Variants in RFTN1 observed in about 807,000 individuals in gnomAD.
RFTN1 encodes the protein raftlin, lipid raft linker 1.
In RFTN1, 26 loss-of-function variants were observed where a neutral mutation model predicts 46.5. The ratio of observed to expected loss-of-function variants is 0.56; its 90% CI spans 0.41 to 0.78. RFTN1 has a LOEUF of 0.78. Among genes scored for constraint, RFTN1 ranks in the 30% least tolerant of loss-of-function variants. The probability of loss-of-function intolerance (pLI) is 0.00; values close to 1 mark genes in which losing one functional copy is unlikely to be tolerated. For synonymous variants in RFTN1, 261 were observed against 284.2 expected (o/e 0.92, Z 0.82); for missense variants, 693 against 718.7 (o/e 0.96, Z 0.41).
intron 3 of RFTN1, among the ~76,000 whole-genome samples, chr3:16,431,072 T>C (rs183363005): frequency 6.6e-6 from 1 of 152,334 alleles, no homozygotes; most frequent in East Asian, 1.9e-4. Flanking sequence ...TTGCAAATCA[T>C]GTAGTAACAG....
chr3:16,465,678 C>G lies in RFTN1; in HGVS notation c.145+28047G>C, dbSNP rs2124936930. Among the ~76,000 whole-genome samples, 1 of 152,122 alleles carries G rather than the reference C, an allele frequency of 6.6e-6. No individual in the cohort carries two copies. The highest frequency in any genetic ancestry group is 2.1e-4 in the South Asian group (1 of 4,816). ...AAAAATTTCAGAATTATAAGATCAC[C>G]AAAATTATCACACCCACCAAAAAGA... On this transcript the variant is annotated intron_variant, in intron 2 of 9. Coordinates refer to ENST00000334133, the MANE Select transcript of RFTN1 (RefSeq NM_015150.2). The surrounding 1 kb of genome is among the most constrained non-coding windows in gnomAD (Gnocchi z 5.1).
At chr3:16,349,925 C>T (rs1417434006) in intron 7 of RFTN1, 1 of 152,234 alleles carries the variant, frequency 6.6e-6, no homozygotes, top group African/African-American at 2.4e-5. Flanking sequence ...AGGCTGAATT[C>T]CTTCCTCTTC....
chr3:16,366,989 T>C (rs2073222551), intron 6 of RFTN1, among the ~76,000 whole-genome samples: 1 of 152,230 alleles, frequency 6.6e-6, no homozygotes, highest in Non-Finnish European at 1.5e-5. Context: ...TCTTTCTATG[T>C]CCCAGGGTGG....
In RFTN1 at chr3:16,336,281, G is replaced by T. The variant is rs958719826; in HGVS notation, c.1147-9405C>A. 2.6e-5 allele frequency among the ~76,000 whole-genome samples: 4 copies of T among 152,236 alleles called. No individual in the cohort carries two copies. In the South Asian group the frequency reaches 8.3e-4, roughly 32 times the overall value. On this transcript the variant is annotated intron_variant, in intron 7 of 9. Transcript: ENST00000334133. This position sits in a 1 kb window ranked among gnomAD's most constrained non-coding sequence, Gnocchi z 6.0. The stretch of plus-strand genomic sequence containing the variant: ...ATTCAGTCAGCCTGGCTCTGTCTGT[G>T]CCACTTGGGAAGCCTCTTCTGCCCC...
At chr3:16,482,672 T>C (rs546426558) in intron 2 of RFTN1, 41 of 1,178,870 alleles carry the variant, frequency 3.5e-5, no homozygotes, top group Non-Finnish European at 4.9e-5. Context: ...TAAGGATTAA[T>C]TGACACTGAG....
chr3:16,505,296 A>G (rs774399600), intron 1 of RFTN1, among the ~76,000 whole-genome samples: 1 of 152,232 alleles, frequency 6.6e-6, no homozygotes, highest in Middle Eastern at 3.4e-3. Context: ...AGTCAGGCTA[A>G]GCTACTGCAA....
In RFTN1 at chr3:16,317,367, T is replaced by C; in HGVS notation, c.1333-135A>G. 2 of 894,256 alleles carry C rather than the reference T, an allele frequency of 2.2e-6. No individual in the cohort carries two copies. The highest frequency in any genetic ancestry group is 3.4e-6 in the Non-Finnish European group (2 of 588,920). The allele number at this position is 894,256 out of a possible 1,614,324, so 55.4% of individuals were successfully genotyped here. A position where few individuals can be genotyped will look rare whatever the true frequency, so the allele number is the denominator to read the frequency against. ...TTCCCAGCATCCCCCAGCCAGGCAG[T>C]ACAGGCACCAAACTTGAATCGCACA... On this transcript the variant is annotated intron_variant, in intron 9 of 9. Transcript: ENST00000334133. This position sits in a 1 kb window ranked among gnomAD's most constrained non-coding sequence, Gnocchi z 4.3.
rs932365285 is a variant in RFTN1 at position 16,341,111 on chromosome 3, G to C, written c.1147-14235C>G. Reference sequence around the variant, plus strand: ...AATGCAAATAAGACAGTCCACCTTAGAATGACCACATTAGAATGGCCAAGA... The same window carrying C: ...AATGCAAATAAGACAGTCCACCTTACAATGACCACATTAGAATGGCCAAGA... On this transcript the variant is annotated intron_variant, in intron 7 of 9. Coordinates refer to ENST00000334133, the MANE Select transcript of RFTN1 (RefSeq NM_015150.2). This position sits in a 1 kb window ranked among gnomAD's most constrained non-coding sequence, Gnocchi z 4.7. 1.3e-5 allele frequency among the ~76,000 whole-genome samples: 2 copies of C among 152,188 alleles called. No individual in the cohort carries two copies. The highest frequency in any genetic ancestry group is 2.4e-5 in the African/African-American group (1 of 41,440).
intron 6 of RFTN1, among the ~76,000 whole-genome samples, chr3:16,365,886 G>C (rs1466034132): frequency 6.6e-6 from 1 of 152,154 alleles, no homozygotes; most frequent in African/African-American, 2.4e-5. Context: ...AAGAAAAAAG[G>C]GCTCTTCTAG....
chr3:16,454,799 C>CT, intron 2 of RFTN1: 1 of 985,376 alleles, frequency 1.0e-6, no homozygotes, highest in Non-Finnish European at 1.2e-6. Context: ...TCTGGCGTGT[C>CT]TCCCAGGGAA....
intron 4 of RFTN1, among the ~76,000 whole-genome samples, chr3:16,398,445 G>T (rs2074527577): frequency 6.6e-6 from 1 of 151,986 alleles, no homozygotes; most frequent in Non-Finnish European, 1.5e-5. Flanking sequence ...TTCACTCTTG[G>T]CCAAAAACAA....
intron 4 of RFTN1, among the ~76,000 whole-genome samples, chr3:16,398,463 T>C (rs536689156): frequency 7.2e-5 from 11 of 152,176 alleles, no homozygotes; most frequent in Admixed American, 5.2e-4. Context: ...CAAACATGAG[T>C]GTCTGCTGTG....
chr3:16,374,905 C>T lies in RFTN1; in HGVS notation c.826+2813G>A, dbSNP rs969502943. Among the ~76,000 whole-genome samples, 22 of 152,138 alleles carry T rather than the reference C, an allele frequency of 1.4e-4. No homozygotes were observed. Among genetic ancestry groups the T allele is most frequent in the East Asian group, 1.9e-4 (1 of 5,188 alleles). On this transcript the variant is annotated intron_variant, in intron 5 of 9. Transcript: ENST00000334133. The surrounding 1 kb of genome is among the most constrained non-coding windows in gnomAD (Gnocchi z 5.4). The stretch of plus-strand genomic sequence containing the variant: ...GGAGGCGTGACGGCTGCACCGAGCC[C>T]GCAGAGATGGGGAGGGACGACCTGC...
At chr3:16,493,937 A>T (rs1326848272) in intron 1 of RFTN1, 60 bp from the exon 2 acceptor site, 5 of 1,585,438 alleles carry the variant, frequency 3.2e-6, no homozygotes, top group Non-Finnish European at 3.4e-6. Flanking sequence ...GTCTTTAAAC[A>T]CCCTAGTATA....
chr3:16,365,860 T>G (rs61373996), intron 6 of RFTN1, among the ~76,000 whole-genome samples: 2,400 of 152,280 alleles, frequency 0.016, 59 homozygotes, highest in African/African-American at 0.055. Context: ...CTAGGTTCCT[T>G]TCAAGCAGTC....
In RFTN1 at chr3:16,480,661, T is replaced by A. The variant is rs962239236; in HGVS notation, c.145+13064A>T. On this transcript the variant is annotated intron_variant, in intron 2 of 9. Coordinates refer to ENST00000334133, the MANE Select transcript of RFTN1 (RefSeq NM_015150.2). The surrounding 1 kb of genome is among the most constrained non-coding windows in gnomAD (Gnocchi z 4.3). Reference sequence around the variant, plus strand: ...TAGATAAAATTCAACAGGACTCCTGTCTTCTGAAGCATTGGTGAAATATGG... The same window carrying A: ...TAGATAAAATTCAACAGGACTCCTGACTTCTGAAGCATTGGTGAAATATGG... Among the ~76,000 whole-genome samples, 2 of 152,220 alleles carry A rather than the reference T, an allele frequency of 1.3e-5. No homozygotes were observed. The highest frequency in any genetic ancestry group is 3.8e-4 in the East Asian group (2 of 5,198).
intron 2 of RFTN1, among the ~76,000 whole-genome samples, chr3:16,453,374 C>T (rs1298072533): frequency 2.0e-5 from 3 of 152,178 alleles, no homozygotes; most frequent in African/African-American, 7.2e-5. Context: ...AGATCCCAAT[C>T]CTATGCTTTT....
At position 16,451,629 on chromosome 3, in the gene RFTN1, C is replaced by T. The variant is rs765252972; in HGVS notation, c.146-17592G>A. 1.3e-5 allele frequency among the ~76,000 whole-genome samples: 2 copies of T among 152,184 alleles called. No individual in the cohort carries two copies. The highest frequency in any genetic ancestry group is 2.9e-5 in the Non-Finnish European group (2 of 68,034). The stretch of plus-strand genomic sequence containing the variant: ...CAGAGCACATTTCTCTTCGTGTCTT[C>T]CACCTAAAAATTTAATGCCTTTTTC... On this transcript the variant is annotated intron_variant, in intron 2 of 9. Coordinates refer to ENST00000334133, the MANE Select transcript of RFTN1 (RefSeq NM_015150.2). This position sits in a 1 kb window ranked among gnomAD's most constrained non-coding sequence, Gnocchi z 4.2.
At chr3:16,469,034 T>G (rs576310756) in intron 2 of RFTN1, among the ~76,000 whole-genome samples, 5 of 152,336 alleles carry the variant, frequency 3.3e-5, no homozygotes, top group African/African-American at 1.2e-4. Context: ...TAACAATCCT[T>G]GAGTTCCCGC....
Sources: gnomAD v4.1 joint callset for allele counts (sites outside exome capture counted in the v4.1 genomes callset) on GRCh38, gnomAD v4.1.1 for gene constraint, Gnocchi (gnomAD v3.1) non-coding constraint, MANE v1.5 for transcripts, NCBI Gene and HGNC (gene_info 2026-07-23, HGNC 2026-07-21) for gene names.